BAZ2B: variants seen among roughly 807,000 people sequenced by gnomAD.
BAZ2B encodes bromodomain adjacent to zinc finger domain 2B.
In BAZ2B, 91 loss-of-function variants were observed where a neutral mutation model predicts 246.0. That is an observed-to-expected ratio of 0.37 (90% CI 0.31 to 0.44). The LOEUF is 0.44. Among genes scored for constraint, BAZ2B ranks in the 20% least tolerant of loss-of-function variants. The pLI is 1.00. For synonymous variants in BAZ2B, 855 were observed against 860.0 expected (o/e 0.99, Z 0.10); for missense variants, 2,332 against 2,533.7 (o/e 0.92, Z 1.71).
intron 27 of BAZ2B, among the ~76,000 whole-genome samples, chr2:159,367,346 A>G (rs1166361286): frequency 6.6e-6 from 1 of 152,152 alleles, no homozygotes; most frequent in Non-Finnish European, 1.5e-5. Context: ...CATCACCAAT[A>G]AACATTATTG....
At chr2:159,642,135 T>A in the BAZ2B span, among the ~76,000 whole-genome samples, 1 of 152,192 alleles carries the variant, frequency 6.6e-6, no homozygotes, top group Non-Finnish European at 1.5e-5. Flanking sequence ...TACTTAATTT[T>A]CAGTGTTATA....
rs186765754 is a variant in BAZ2B, at chr2:159,565,519, C to T, written c.-45-9654G>A. Among the ~76,000 whole-genome samples the T allele has an allele frequency of 9.1e-4, 138 of 152,288 alleles. 1 individual carries two copies. The highest frequency in any genetic ancestry group is 1.8e-3 in the Non-Finnish European group (121 of 68,024). On this transcript the variant is annotated intron_variant, in intron 1 of 36. Coordinates refer to ENST00000392783, the MANE Select transcript of BAZ2B (RefSeq NM_013450.4). Reference sequence around the variant, plus strand: ...TAAGGCCAGGCGTGGTGGCTCACACCTGTAATCCCAGCACTTTGGGTGGCC... The same window carrying T: ...TAAGGCCAGGCGTGGTGGCTCACACTTGTAATCCCAGCACTTTGGGTGGCC...
chr2:159,644,918 C>G, the BAZ2B span, among the ~76,000 whole-genome samples: 1 of 152,114 alleles, frequency 6.6e-6, no homozygotes, highest in African/African-American at 2.4e-5. Context: ...CATTTCTTGC[C>G]TCTCATATTT....
chr2:159,410,310 C>A (rs2066615075), intron 14 of BAZ2B, among the ~76,000 whole-genome samples: 1 of 152,210 alleles, frequency 6.6e-6, no homozygotes, highest in Non-Finnish European at 1.5e-5. Context: ...GACTACCATA[C>A]TGATATGGTT....
At chr2:159,556,051 T>A (rs1011890431) in intron 1 of BAZ2B, among the ~76,000 whole-genome samples, 186 bp from the exon 2 acceptor site, 1 of 152,226 alleles carries the variant, frequency 6.6e-6, no homozygotes, top group African/African-American at 2.4e-5. Flanking sequence ...AGTTTATTTA[T>A]AGATCATTAT....
intron 2 of BAZ2B, among the ~76,000 whole-genome samples, chr2:159,490,932 A>G (rs1229941869): frequency 6.6e-6 from 1 of 152,196 alleles, no homozygotes; most frequent in East Asian, 1.9e-4. Context: ...ATGCACCTAT[A>G]ACATGCTTTC....
At chr2:159,540,328 TG>T (rs1302056201) in intron 2 of BAZ2B, among the ~76,000 whole-genome samples, 1 of 152,262 alleles carries the variant, frequency 6.6e-6, no homozygotes, top group African/African-American at 2.4e-5. Context: ...ACTTTCCATC[TG>T]ATAGCTTTCT....
intron 1 of BAZ2B, among the ~76,000 whole-genome samples, chr2:159,584,609 T>C (rs1254898394): frequency 6.6e-6 from 1 of 152,192 alleles, no homozygotes; most frequent in Non-Finnish European, 1.5e-5. Flanking sequence ...ACACAATTTG[T>C]TGACGCCTTA....
At chr2:159,542,989 A>G (rs181155125) in intron 2 of BAZ2B, among the ~76,000 whole-genome samples, 9 of 152,324 alleles carry the variant, frequency 5.9e-5, no homozygotes, top group Admixed American at 2.6e-4. Flanking sequence ...AACTCTGGGA[A>G]AATTCCTTAA....
chr2:159,388,043 G>T (rs2149564484), intron 21 of BAZ2B, among the ~76,000 whole-genome samples: 1 of 151,874 alleles, frequency 6.6e-6, no homozygotes, highest in East Asian at 1.9e-4. Context: ...GAGTTAATGG[G>T]TGCAGCACAC....
chr2:159,320,005 C>A lies in BAZ2B; in HGVS notation c.*260G>T, dbSNP rs1390880888. ...TTGCTATTGCACTATAACACCCTTT[C>A]CTTTGAAAATTCTTTGGGTGTGCTT... On this transcript the variant is annotated 3_prime_UTR_variant, in exon 37 of 37. Coordinates refer to ENST00000392783, the MANE Select transcript of BAZ2B (RefSeq NM_013450.4). 1 of 285,568 alleles carries A rather than the reference C, an allele frequency of 3.5e-6. No individual in the cohort carries two copies. The highest frequency in any genetic ancestry group is 6.6e-5 in the East Asian group (1 of 15,110). 17.7% of individuals were successfully genotyped at this position (285,568 alleles called of 1,614,324 possible). A position where few individuals can be genotyped will look rare whatever the true frequency, so the allele number is the denominator to read the frequency against.
At chr2:159,636,956 C>T in the BAZ2B span, among the ~76,000 whole-genome samples, 1 of 152,154 alleles carries the variant, frequency 6.6e-6, no homozygotes, top group African/African-American at 2.4e-5. Context: ...AAAGGGAATC[C>T]ACTACCTTCA....
chr2:159,598,618 G>A (rs527280547), intron 1 of BAZ2B, among the ~76,000 whole-genome samples: 58 of 152,074 alleles, frequency 3.8e-4, no homozygotes, highest in South Asian at 2.5e-3. Flanking sequence ...GGGAAGCCCA[G>A]GTGGGTAGAT....
intron 2 of BAZ2B, among the ~76,000 whole-genome samples, chr2:159,483,665 C>G (rs2079501249): frequency 6.6e-6 from 1 of 152,060 alleles, no homozygotes; most frequent in Non-Finnish European, 1.5e-5. Context: ...CCTGTAATCC[C>G]AGCTACTCGG....
At chr2:159,551,566 T>C (rs1412358417) in intron 2 of BAZ2B, among the ~76,000 whole-genome samples, 1 of 150,860 alleles carries the variant, frequency 6.6e-6, no homozygotes, top group Non-Finnish European at 1.5e-5. Flanking sequence ...ATAGCCACTA[T>C]AATAATGAAA....
chr2:159,549,121 A>G (rs2087771191), intron 2 of BAZ2B, among the ~76,000 whole-genome samples: 2 of 152,122 alleles, frequency 1.3e-5, no homozygotes, highest in African/African-American at 4.8e-5. Context: ...TCTCTACTAA[A>G]AATAGAAAAA....
the BAZ2B span, among the ~76,000 whole-genome samples, chr2:159,632,601 T>C: frequency 6.6e-6 from 1 of 152,208 alleles, no homozygotes; most frequent in African/African-American, 2.4e-5. Context: ...TGATAAGTGA[T>C]GTCATGTTGG....
intron 1 of BAZ2B, among the ~76,000 whole-genome samples, chr2:159,563,744 C>T (rs2090100273): frequency 1.3e-5 from 2 of 151,976 alleles, no homozygotes; most frequent in South Asian, 2.1e-4. Context: ...AATGGTTGTA[C>T]AACAATATGA....
chr2:159,438,166 A>G (rs1577036735), intron 8 of BAZ2B, 137 bp downstream of exon 8: 1 of 800,872 alleles, frequency 1.2e-6, no homozygotes, highest in Non-Finnish European at 2.0e-6. Context: ...TTTCTGCTGT[A>G]CATATTCTAT....
Sources: allele counts gnomAD v4.1 joint callset (sites outside exome capture counted in the v4.1 genomes callset), GRCh38; gene constraint gnomAD v4.1.1; transcripts MANE v1.5; gene names NCBI Gene and HGNC (gene_info 2026-07-23, HGNC 2026-07-21).